The following CCDC201 variants were observed in gnomAD, a reference collection of about 807,000 sequenced individuals.
CCDC201 encodes the protein coiled-coil domain containing 201.
At chr7:45,877,146 G>A (rs1299841671), upstream of CCDC201, among the ~76,000 whole-genome samples, 2 of 152,166 alleles carry the variant, frequency 1.3e-5, no homozygotes, top group African/African-American at 4.8e-5. Context: ...ACAGTGTGTG[G>A]CATGTGGTAA....
chr7:45,860,969 T>A (rs1411408788), exon 3 of CCDC201: 2 of 146,294 alleles, frequency 1.4e-5, no homozygotes, highest in Non-Finnish European at 2.9e-5. Flanking sequence ...AGATGCAATA[T>A]GAATATCTAG....
intron 1 of CCDC201, among the ~76,000 whole-genome samples, chr7:45,871,068 T>C (rs1786738327): frequency 6.6e-6 from 1 of 152,234 alleles, no homozygotes; most frequent in African/African-American, 2.4e-5. Flanking sequence ...ATGTTGATAA[T>C]TTGATGTTTT....
At chr7:45,880,401 G>A in the CCDC201 span, among the ~76,000 whole-genome samples, 79 of 152,352 alleles carry the variant, frequency 5.2e-4, no homozygotes, top group Non-Finnish European at 9.0e-4. Context: ...ATCCTCATAC[G>A]GTAACTCCAG....
chr7:45,873,674 C>G (rs1257154171), upstream of CCDC201, among the ~76,000 whole-genome samples: 2 of 152,188 alleles, frequency 1.3e-5, no homozygotes, highest in Non-Finnish European at 2.9e-5. Context: ...GAATGAAAGG[C>G]AACACGTGCC....
chr7:45,866,125 C>A, exon 2 of CCDC201: 1 of 196,386 alleles, frequency 5.1e-6, no homozygotes, highest in Non-Finnish European at 1.0e-5. Context: ...CAGCTCTTTG[C>A]CCGGAGGGAC....
At chr7:45,884,841 G>T in the CCDC201 span, among the ~76,000 whole-genome samples, 1 of 152,124 alleles carries the variant, frequency 6.6e-6, no homozygotes, top group African/African-American at 2.4e-5. Flanking sequence ...CTAGATGGGG[G>T]CAAGACTGTG....
At chr7:45,878,059 G>A (rs1786835739), upstream of CCDC201, among the ~76,000 whole-genome samples, 1 of 152,166 alleles carries the variant, frequency 6.6e-6, no homozygotes, top group African/African-American at 2.4e-5. Flanking sequence ...AACCCAGCAG[G>A]GCAGTCATTA....
At chr7:45,881,255 C>G in the CCDC201 span, among the ~76,000 whole-genome samples, 24 of 152,268 alleles carry the variant, frequency 1.6e-4, no homozygotes, top group Admixed American at 3.3e-4. Flanking sequence ...CCTCATTTCC[C>G]TCCACCACCC....
At chr7:45,880,686 C>A in the CCDC201 span, among the ~76,000 whole-genome samples, 1 of 152,264 alleles carries the variant, frequency 6.6e-6, no homozygotes, top group East Asian at 1.9e-4. Context: ...CTGGCCATGT[C>A]GCAAAGTCCT....
At chr7:45,875,276 C>T (rs1046740668), upstream of CCDC201, among the ~76,000 whole-genome samples, 12 of 152,048 alleles carry the variant, frequency 7.9e-5, no homozygotes, top group African/African-American at 2.7e-4. Flanking sequence ...AAGTGGATCA[C>T]CTAAGGTCAG....
At chr7:45,868,736 A>T (rs1176881327) in intron 1 of CCDC201, among the ~76,000 whole-genome samples, 1 of 152,190 alleles carries the variant, frequency 6.6e-6, no homozygotes, top group Non-Finnish European at 1.5e-5. Context: ...CCCTTCCTCA[A>T]CCACCCTGCC....
At chr7:45,871,391 A>T (rs992955512) in intron 1 of CCDC201, among the ~76,000 whole-genome samples, 20 of 152,174 alleles carry the variant, frequency 1.3e-4, no homozygotes, top group Admixed American at 4.6e-4. Flanking sequence ...AAACAAAAAA[A>T]TTAAAAATCT....
chr7:45,872,762 G>A (rs1413262346), intron 1 of CCDC201, among the ~76,000 whole-genome samples: 1 of 152,164 alleles, frequency 6.6e-6, no homozygotes, highest in Non-Finnish European at 1.5e-5. Context: ...GAGACTCTGG[G>A]CAAGGCTCCC....
the CCDC201 span, among the ~76,000 whole-genome samples, chr7:45,882,656 T>A: frequency 6.6e-6 from 1 of 152,214 alleles, no homozygotes; most frequent in African/African-American, 2.4e-5. Flanking sequence ...GTGGCCCTAT[T>A]CATAGGCACC....
At chr7:45,882,924 A>G in the CCDC201 span, among the ~76,000 whole-genome samples, 1 of 152,104 alleles carries the variant, frequency 6.6e-6, no homozygotes, top group African/African-American at 2.4e-5. Context: ...CCCTGCACAT[A>G]CAGACATTTT....
chr7:45,874,995 T>G (rs1366621595), upstream of CCDC201, among the ~76,000 whole-genome samples: 1 of 152,186 alleles, frequency 6.6e-6, no homozygotes, highest in African/African-American at 2.4e-5. Context: ...GTAGATGCAG[T>G]GTGCAAAGCC....
the CCDC201 span, among the ~76,000 whole-genome samples, chr7:45,879,902 ATGG>A: frequency 1.1e-4 from 17 of 152,170 alleles, no homozygotes; most frequent in African/African-American, 4.1e-4. Flanking sequence ...CCTGGCCAAC[ATGG>A]TGAAACCCCA....
exon 3 of CCDC201, chr7:45,860,287 A>G (rs1786581249): frequency 6.6e-6 from 1 of 152,184 alleles, no homozygotes; most frequent in Non-Finnish European, 1.5e-5. Context: ...ACAAATCACA[A>G]TGGTAGAATG....
intron 2 of CCDC201, among the ~76,000 whole-genome samples, chr7:45,865,690 C>T (rs1424147749): frequency 1.3e-5 from 2 of 152,322 alleles, no homozygotes; most frequent in Middle Eastern, 3.4e-3. Context: ...AATGACAAAG[C>T]AGCCAGCCAG....
Sources: gnomAD v4.1 joint callset for allele counts (sites outside exome capture counted in the v4.1 genomes callset) on GRCh38, gnomAD v4.1.1 for gene constraint, MANE v1.5 for transcripts, NCBI Gene and HGNC (gene_info 2026-07-23, HGNC 2026-07-21) for gene names.